JMY: variants seen among roughly 807,000 people sequenced by gnomAD.
JMY encodes the protein junction mediating and regulatory protein, p53 cofactor, also known as junction-mediating and -regulatory protein.
Under a neutral mutation model 103.3 loss-of-function variants are expected in JMY, and 46 were observed. The observed-to-expected ratio is 0.45, with a 90% CI of 0.35 to 0.57. The LOEUF is 0.57. Ranked by LOEUF, JMY falls within the 20% of genes least tolerant of loss-of-function variation. The probability of loss-of-function intolerance (pLI) is 0.00; values close to 1 mark genes in which losing one functional copy is unlikely to be tolerated. For missense variants in JMY, 1,238 were observed against 1,255.2 expected (o/e 0.99, Z 0.21); for synonymous variants, 526 against 489.3 (o/e 1.07, Z -0.99).
rs1040789820 is a variant in JMY at position 79,323,280 on chromosome 5, T to C, written c.*1678T>C. On this transcript the variant is annotated 3_prime_UTR_variant, in exon 11 of 11. Transcript: ENST00000396137. ...CAAAATCTTTTATTTATTTAAATGT[T>C]AGTAATACGTTTATTGATGAGACTA... The C allele has an allele frequency of 3.3e-5, 5 of 152,218 alleles. No homozygotes were observed. The South Asian group carries it at 1.0e-3, about 31-fold the overall frequency. The allele number at this position is 152,218 out of a possible 1,614,324, so 9.4% of individuals were successfully genotyped here.
chr5:79,273,483 A>G (rs75971310), intron 1 of JMY, among the ~76,000 whole-genome samples: 9,874 of 152,278 alleles, frequency 0.065, 444 homozygotes, highest in Non-Finnish European at 0.11. Flanking sequence ...CTATAATATG[A>G]TAAACCTACT....
chr5:79,237,665 A>G lies in JMY; in HGVS notation c.1015A>G (p.Arg339Gly), dbSNP rs201323258. 6.2e-7 allele frequency: 1 copy of G among 1,612,916 alleles called. No homozygotes were observed. Among genetic ancestry groups the G allele is most frequent in the Non-Finnish European group, 8.5e-7 (1 of 1,179,382 alleles). The change falls in exon 1 of 11, where the codon AGG (arginine) becomes GGG (glycine). Residue 339 changes from arginine (R) to glycine (G), a missense_variant. Physicochemically the swap from Arg to Gly is moderately radical, Grantham distance 125. Coordinates refer to ENST00000396137, the MANE Select transcript of JMY (RefSeq NM_152405.5). The stretch of plus-strand genomic sequence containing the variant: ...CTACGAAGAAGTGCTTCAGCGGGCC[A>G]GGAAGCGCATCCAGGAGGTGAGTGA... ...KGYEEVLQRA[R>G]KRIQELLDKH...
At chr5:79,273,009 A>G (rs1309600926) in intron 1 of JMY, among the ~76,000 whole-genome samples, 3 of 152,192 alleles carry the variant, frequency 2.0e-5, no homozygotes, top group East Asian at 3.9e-4. Context: ...TTTAGGTTTC[A>G]TATTTATTAT....
At chr5:79,292,329 T>C (rs1306181244) in intron 4 of JMY, among the ~76,000 whole-genome samples, 2 of 152,060 alleles carry the variant, frequency 1.3e-5, no homozygotes, top group Non-Finnish European at 2.9e-5. Flanking sequence ...ATCTTCATCT[T>C]TGTTGTTGTT....
At chr5:79,251,654 C>G (rs1306154464) in intron 1 of JMY, among the ~76,000 whole-genome samples, 1 of 151,730 alleles carries the variant, frequency 6.6e-6, no homozygotes, top group Non-Finnish European at 1.5e-5. Context: ...ATTAGCCGCC[C>G]CCACCTCCCC....
chr5:79,258,368 C>T lies in JMY; in HGVS notation c.1033-19542C>T, dbSNP rs547074244. ...CTCTGGCTGGAGTACAGTGGTGTTACGGGATCCTTGGGGTGTCGCCTCACC... is the reference window on the plus strand; with the variant it reads ...CTCTGGCTGGAGTACAGTGGTGTTATGGGATCCTTGGGGTGTCGCCTCACC... On this transcript the variant is annotated intron_variant, in intron 1 of 10. Coordinates refer to ENST00000396137, the MANE Select transcript of JMY (RefSeq NM_152405.5). Among the ~76,000 whole-genome samples, 5 of 132,550 alleles carry T rather than the reference C, an allele frequency of 3.8e-5. No individual in the cohort carries two copies. The South Asian group carries it at 1.0e-3, about 27-fold the overall frequency. The allele number at this position is 132,550 out of a possible 152,430, so 87.0% of individuals were successfully genotyped here.
chr5:79,247,308 C>T (rs1434609128), intron 1 of JMY, among the ~76,000 whole-genome samples: 1 of 151,826 alleles, frequency 6.6e-6, no homozygotes, highest in Non-Finnish European at 1.5e-5. Flanking sequence ...TTTATTTTTC[C>T]TTTTTATTTT....
At chr5:79,284,154 G>A (rs1056344749) in intron 2 of JMY, 3 of 1,560,430 alleles carry the variant, frequency 1.9e-6, no homozygotes, top group Middle Eastern at 1.7e-4. Flanking sequence ...TTGGACTGGT[G>A]GTTCAAAACC....
intron 1 of JMY, among the ~76,000 whole-genome samples, chr5:79,252,871 C>T (rs1745130804): frequency 1.3e-5 from 2 of 151,932 alleles, no homozygotes; most frequent in African/African-American, 4.8e-5. Flanking sequence ...TTTTTTAATC[C>T]ATTCAGTCCA....
chr5:79,253,127 C>CGG (rs1227650142), intron 1 of JMY, among the ~76,000 whole-genome samples: 1 of 152,098 alleles, frequency 6.6e-6, no homozygotes, highest in East Asian at 1.9e-4. Context: ...CAAATACTAT[C>CGG]TCATGACCCA....
chr5:79,300,806 G>T lies in JMY; in HGVS notation c.1824G>T (p.Gln608His). The change falls in exon 6 of 11, where the codon CAG (glutamine) becomes CAT (histidine). Residue 608 changes from glutamine (Q) to histidine (H), a missense_variant. Gln to His is a conservative substitution (Grantham distance 24). Transcript: ENST00000396137. ...AGAAACTTCAGCAGAAAGCACGCCA[G>T]CTGGAAGCAAGACGTGGACGGGTTT... ...ELQKLQQKARQLEARRGRVSA... is the reference protein window; with the variant it reads ...ELQKLQQKARHLEARRGRVSA... The T allele has an allele frequency of 1.2e-6, 2 of 1,610,192 alleles. No homozygotes were observed. Among genetic ancestry groups the T allele is most frequent in the Non-Finnish European group, 1.7e-6 (2 of 1,178,722 alleles).
Position 79,239,589 on chromosome 5 carries a change from G to A in JMY, c.1032+1907G>A, listed in dbSNP as rs528168158. ...TGGGAGGCCGAGGCGGGCGGATCAC[G>A]AGGTCAGGAGATCGAGACCATCCTG... On this transcript the variant is annotated intron_variant, in intron 1 of 10. Coordinates refer to ENST00000396137, the MANE Select transcript of JMY (RefSeq NM_152405.5). Among the ~76,000 whole-genome samples, 111 of 152,156 alleles carry A rather than the reference G, an allele frequency of 7.3e-4. 1 individual carries two copies. Among genetic ancestry groups the A allele is most frequent in the African/African-American group, 2.6e-3 (108 of 41,512 alleles).
At chr5:79,275,285 C>T (rs559573884) in intron 1 of JMY, among the ~76,000 whole-genome samples, 8 of 152,086 alleles carry the variant, frequency 5.3e-5, no homozygotes, top group South Asian at 4.2e-4. Flanking sequence ...CTCAGCCTCC[C>T]GAGCAGCTGG....
Position 79,291,317 on chromosome 5 carries a change from A to G in JMY, c.1527+18A>G, listed in dbSNP as rs779129352. 2 of 1,523,316 alleles carry G rather than the reference A, an allele frequency of 1.3e-6. No homozygotes were observed. Among genetic ancestry groups the G allele is most frequent in the Non-Finnish European group, 1.8e-6 (2 of 1,134,462 alleles). The allele number at this position is 1,523,316 out of a possible 1,614,324, so 94.4% of individuals were successfully genotyped here. Reference sequence around the variant, plus strand: ...AGGAAGAGGTAACAAAAATCATCAGAAATATAAAATCAGAAAAAGTTACAG... The same window carrying G: ...AGGAAGAGGTAACAAAAATCATCAGGAATATAAAATCAGAAAAAGTTACAG... On this transcript the variant is annotated intron_variant, in intron 4 of 10. Coordinates refer to ENST00000396137, the MANE Select transcript of JMY (RefSeq NM_152405.5).
intron 10 of JMY, among the ~76,000 whole-genome samples, chr5:79,317,378 G>A (rs1439491022): frequency 6.6e-6 from 1 of 151,976 alleles, no homozygotes; most frequent in Non-Finnish European, 1.5e-5. Context: ...ATATAATAGA[G>A]AGCTATAGTC....
At chr5:79,317,437 C>G (rs1475568982) in intron 10 of JMY, among the ~76,000 whole-genome samples, 1 of 151,296 alleles carries the variant, frequency 6.6e-6, no homozygotes, top group East Asian at 1.9e-4. Flanking sequence ...ACAGATTACA[C>G]CAAATATATA....
At chr5:79,291,546 T>C (rs1746425555) in intron 4 of JMY, among the ~76,000 whole-genome samples, 1 of 152,210 alleles carries the variant, frequency 6.6e-6, no homozygotes, top group African/African-American at 2.4e-5. Context: ...CATCAGAATT[T>C]CTTAGTTGCT....
rs1447292056 is a variant in JMY at position 79,314,350 on chromosome 5, C to T, written c.2158C>T (p.His720Tyr). 4 of 1,614,128 alleles carry T rather than the reference C, an allele frequency of 2.5e-6. No homozygotes were observed. Among genetic ancestry groups the T allele is most frequent in the East Asian group, 4.5e-5 (2 of 44,886 alleles). Residue 720 changes from histidine to tyrosine, a missense_variant, in exon 9 of 11, where the codon CAT becomes TAT. Transcript: ENST00000396137. Reference protein sequence around the residue: ...GAASPVLQEDHCDSLPSVLQV... With the variant: ...GAASPVLQEDYCDSLPSVLQV... ...AGCAAGTCCTGTTCTCCAAGAGGAT[C>T]ATTGTGACTCTTTACCAAGTGTGTT... is the stretch of plus-strand genomic sequence containing the variant.
intron 1 of JMY, among the ~76,000 whole-genome samples, chr5:79,247,191 A>G (rs1441148084): frequency 6.6e-6 from 1 of 152,234 alleles, no homozygotes; most frequent in African/African-American, 2.4e-5. Context: ...GACAAAAGCA[A>G]TAGTGCTTAG....
Sources: allele counts gnomAD v4.1 joint callset (sites outside exome capture counted in the v4.1 genomes callset), GRCh38; gene constraint gnomAD v4.1.1; transcripts MANE v1.5; gene names NCBI Gene and HGNC (gene_info 2026-07-23, HGNC 2026-07-21).